Variants in MAP2K5 observed in about 807,000 individuals in gnomAD.
MAP2K5 encodes the protein dual specificity mitogen-activated protein kinase kinase 5.
Under a neutral mutation model 83.1 loss-of-function variants are expected in MAP2K5, and 49 were observed. The ratio of observed to expected loss-of-function variants is 0.59; its 90% CI spans 0.47 to 0.75. The LOEUF (loss-of-function observed/expected upper bound fraction) is 0.75, where lower values mean the gene tolerates loss of function less well. Ranked by LOEUF, MAP2K5 falls within the 30% of genes least tolerant of loss-of-function variation. The pLI is 0.00. For synonymous variants in MAP2K5, 202 were observed against 191.8 expected, an observed-to-expected ratio of 1.05 and a Z score of -0.44; for missense variants, 457 against 557.5, an observed-to-expected ratio of 0.82 and a Z score of 1.82.
In MAP2K5 at chr15:67,606,234, T is replaced by C. The variant is rs557398681; in HGVS notation, c.545+5485T>C. ...TTAGCCAGCAATCACTGAAAGATTA[T>C]CTTTTATATTATTTTTTCCTTAATG... On this transcript the variant is annotated intron_variant, in intron 8 of 21. Coordinates refer to ENST00000178640, the MANE Select transcript of MAP2K5 (RefSeq NM_145160.3). Among the ~76,000 whole-genome samples the C allele has an allele frequency of 2.0e-5, 3 of 152,306 alleles. No individual in the cohort carries two copies. The South Asian group carries it at 6.2e-4, about 32-fold the overall frequency.
In MAP2K5 at chr15:67,646,290, T is replaced by A; in HGVS notation, c.645T>A (p.Ile215=). ...LQKQIMSELE[I]LYKCDSSYII... is the part of the protein sequence containing the mutation. ...AGCAAATTATGTCTGAATTGGAAAT[T>A]CTTTATAAGGTAATTTTTTCATAAT... The change falls in exon 10 of 22, where the codon ATT becomes ATA. Residue 215 remains isoleucine (I), a synonymous_variant. Coordinates refer to ENST00000178640, the MANE Select transcript of MAP2K5 (RefSeq NM_145160.3). 6.9e-7 allele frequency: 1 copy of A among 1,458,852 alleles called. No homozygotes were observed. The highest frequency in any genetic ancestry group is 1.2e-5 in the South Asian group (1 of 84,110). 90.4% of individuals were successfully genotyped at this position (1,458,852 alleles called of 1,614,324 possible).
intron 12 of MAP2K5, 93 bp from the exon 13 acceptor site, chr15:67,664,502 CAA>C (rs878962506): frequency 3.0e-3 from 1,797 of 600,236 alleles, no homozygotes; most frequent in Admixed American, 3.6e-3. Flanking sequence ...CACCCTGTCT[CAA>C]AAAAAAAAAA....
intron 21 of MAP2K5, among the ~76,000 whole-genome samples, chr15:67,789,828 T>G (rs2090484730): frequency 6.6e-6 from 1 of 152,190 alleles, no homozygotes; most frequent in African/African-American, 2.4e-5. Flanking sequence ...ATTCTTTGCC[T>G]GTTTTTCTGT....
chr15:67,790,107 C>T lies in MAP2K5; in HGVS notation c.1243-16539C>T, dbSNP rs2090490378. On this transcript the variant is annotated intron_variant, in intron 21 of 21. Coordinates refer to ENST00000178640, the MANE Select transcript of MAP2K5 (RefSeq NM_145160.3). This position sits in a 1 kb window ranked among gnomAD's most constrained non-coding sequence, Gnocchi z 4.6. ...TGTTTGGTTGTGTATCTTTCTTCCA[C>T]TCTTAAAAAAGCAGGCTTGGAAATT... is the stretch of plus-strand genomic sequence containing the variant. Among the ~76,000 whole-genome samples, 1 of 152,132 alleles carries T rather than the reference C, an allele frequency of 6.6e-6. No homozygotes were observed. Among genetic ancestry groups the T allele is most frequent in the African/African-American group, 2.4e-5 (1 of 41,438 alleles).
intron 21 of MAP2K5, among the ~76,000 whole-genome samples, chr15:67,806,420 T>G (rs2090808122): frequency 6.6e-6 from 1 of 152,176 alleles, no homozygotes; most frequent in Non-Finnish European, 1.5e-5. Flanking sequence ...GAGTCTGAGA[T>G]GTGCCAGCCA....
At chr15:67,664,522 A>G in intron 12 of MAP2K5, 75 bp from the exon 13 acceptor site, 1 of 943,916 alleles carries the variant, frequency 1.1e-6, no homozygotes, top group Non-Finnish European at 1.7e-6. Context: ...AAAATGTTGA[A>G]TGTATTTAAA....
At chr15:67,737,636 G>A (rs577240945) in intron 17 of MAP2K5, among the ~76,000 whole-genome samples, 14 of 152,170 alleles carry the variant, frequency 9.2e-5, no homozygotes, top group African/African-American at 3.1e-4. Flanking sequence ...CACACCAGGT[G>A]GAAAGAGGGT....
At chr15:67,682,436 G>T (rs2087840121) in intron 13 of MAP2K5, among the ~76,000 whole-genome samples, 2 of 151,914 alleles carry the variant, frequency 1.3e-5, no homozygotes, top group South Asian at 4.2e-4. Flanking sequence ...CGTTGGCCAG[G>T]CTCATTTCGA....
intron 2 of MAP2K5, among the ~76,000 whole-genome samples, chr15:67,557,859 A>G (rs2084659859): frequency 6.6e-6 from 1 of 152,184 alleles, no homozygotes; most frequent in Admixed American, 6.5e-5. Flanking sequence ...TCCTTAAACT[A>G]TTGTATATGT....
rs2087708335 is a variant in MAP2K5 at position 67,677,401 on chromosome 15, C to T, written c.847+12756C>T. On this transcript the variant is annotated intron_variant, in intron 13 of 21. Transcript: ENST00000178640. The surrounding 1 kb of genome is among the most constrained non-coding windows in gnomAD (Gnocchi z 4.2). ...TGAGGTAATGCATATGATAATAATG[C>T]ACTTAGCCCAGTTCCTGGTATATAT... 6.6e-6 allele frequency among the ~76,000 whole-genome samples: 1 copy of T among 152,138 alleles called. No homozygotes were observed. Among genetic ancestry groups the T allele is most frequent in the African/African-American group, 2.4e-5 (1 of 41,430 alleles).
intron 7 of MAP2K5, among the ~76,000 whole-genome samples, chr15:67,599,745 A>G (rs1257813583): frequency 3.3e-5 from 5 of 152,000 alleles, no homozygotes; most frequent in Non-Finnish European, 7.4e-5. Context: ...ATGGAAAAGA[A>G]CACCTTTATT....
chr15:67,806,984 A>G lies in MAP2K5; in HGVS notation c.*234A>G. ...AAGGCGCTGACACTGGCAGAGAGGT[A>G]AAGGGTGGGGCATTGAGAATGGAGG... On this transcript the variant is annotated 3_prime_UTR_variant, in exon 22 of 22. Transcript: ENST00000178640. 6.6e-7 allele frequency: 1 copy of G among 1,506,974 alleles called. No individual in the cohort carries two copies. The highest frequency in any genetic ancestry group is 8.9e-7 in the Non-Finnish European group (1 of 1,129,858). 93.4% of individuals were successfully genotyped at this position (1,506,974 alleles called of 1,614,324 possible).
intron 21 of MAP2K5, among the ~76,000 whole-genome samples, chr15:67,804,642 G>T (rs534146884): frequency 6.6e-6 from 1 of 152,334 alleles, no homozygotes; most frequent in African/African-American, 2.4e-5. Context: ...TTCCAGAACA[G>T]ATGATAACAG....
chr15:67,549,054 G>A, intron 1 of MAP2K5: 1 of 1,511,354 alleles, frequency 6.6e-7, no homozygotes, highest in Admixed American at 2.1e-5. Flanking sequence ...GCTCCCTGCT[G>A]AGAAATACTG....
At chr15:67,595,280 T>G (rs1295919194) in intron 7 of MAP2K5, among the ~76,000 whole-genome samples, 1 of 152,202 alleles carries the variant, frequency 6.6e-6, no homozygotes, top group Admixed American at 6.5e-5. Flanking sequence ...GATTCAGCAT[T>G]GATATAGTGT....
chr15:67,732,822 G>A (rs951072361), intron 17 of MAP2K5, among the ~76,000 whole-genome samples: 2 of 152,266 alleles, frequency 1.3e-5, no homozygotes, highest in South Asian at 2.1e-4. Flanking sequence ...GTCATTTAGG[G>A]TTCCTGGTGC....
rs886496740 is a variant in MAP2K5, at chr15:67,686,125, T to C, written c.848-6354T>C. ...ACAAAGGACAGATGGGGCAAATAGA[T>C]GGTAGAGTTGAACCCAGCCATATCA... On this transcript the variant is annotated intron_variant, in intron 13 of 21. Coordinates refer to ENST00000178640, the MANE Select transcript of MAP2K5 (RefSeq NM_145160.3). 5.3e-5 allele frequency among the ~76,000 whole-genome samples: 8 copies of C among 152,056 alleles called. No homozygotes were observed. The East Asian group carries it at 1.5e-3, about 29-fold the overall frequency.
At chr15:67,803,701 G>C (rs1160809259) in intron 21 of MAP2K5, among the ~76,000 whole-genome samples, 1 of 152,224 alleles carries the variant, frequency 6.6e-6, no homozygotes, top group East Asian at 1.9e-4. Context: ...GACTCTCCCA[G>C]TGTGTCCAGG....
At chr15:67,550,824 G>A (rs968296850) in intron 2 of MAP2K5, among the ~76,000 whole-genome samples, 1 of 151,528 alleles carries the variant, frequency 6.6e-6, no homozygotes, top group Non-Finnish European at 1.5e-5. Flanking sequence ...CAGGCTGGAG[G>A]GCAGTGGTGC....
Sources: allele counts gnomAD v4.1 joint callset (sites outside exome capture counted in the v4.1 genomes callset), GRCh38; gene constraint gnomAD v4.1.1; non-coding constraint Gnocchi (gnomAD v3.1); transcripts MANE v1.5; gene names NCBI Gene and HGNC (gene_info 2026-07-23, HGNC 2026-07-21).